Variants in GLIS1 observed in about 807,000 individuals in gnomAD.
GLIS1 encodes the protein GLIS family zinc finger 1, also known as zinc finger protein GLIS1.
A neutral mutation model predicts 63.8 loss-of-function variants in GLIS1; 24 were observed. The ratio of observed to expected loss-of-function variants is 0.38; its 90% confidence interval spans 0.27 to 0.53. The LOEUF (loss-of-function observed/expected upper bound fraction) is 0.53. Ranked by LOEUF, GLIS1 falls within the 20% of genes least tolerant of loss-of-function variation. GLIS1 has a pLI of 0.85. For missense variants in GLIS1, 1,036 were observed against 1,074.1 expected (o/e 0.96, Z 0.50); for synonymous variants, 450 against 482.5 (o/e 0.93, Z 0.88).
chr1:53,606,297 C>T (rs926447914), intron 2 of GLIS1, among the ~76,000 whole-genome samples: 1 of 152,186 alleles, frequency 6.6e-6, no homozygotes, highest in Non-Finnish European at 1.5e-5. Flanking sequence ...CCTAGGCCAA[C>T]GGAGTCATGC....
chr1:53,730,654 C>CTT (rs1277727316), intron 2 of GLIS1, among the ~76,000 whole-genome samples: 1 of 152,188 alleles, frequency 6.6e-6, no homozygotes, highest in African/African-American at 2.4e-5. Context: ...ATTCACTCCC[C>CTT]TTCAGACACA....
intron 4 of GLIS1, among the ~76,000 whole-genome samples, chr1:53,568,653 CCT>C (rs748665528): frequency 1.3e-5 from 2 of 152,080 alleles, no homozygotes; most frequent in Non-Finnish European, 2.9e-5. Context: ...GCGGATTTCC[CCT>C]GTCTTGTGAT....
chr1:53,724,615 G>T (rs1268749550), intron 2 of GLIS1, among the ~76,000 whole-genome samples: 1 of 152,022 alleles, frequency 6.6e-6, no homozygotes, highest in Non-Finnish European at 1.5e-5. Flanking sequence ...GAACTCCTGG[G>T]CTCAAGTGAT....
chr1:53,529,245 T>G (rs1186458902), intron 5 of GLIS1, among the ~76,000 whole-genome samples: 1 of 152,096 alleles, frequency 6.6e-6, no homozygotes, highest in Non-Finnish European at 1.5e-5. Context: ...GAGGCCTGGG[T>G]CACCTGCAGG....
At chr1:53,602,495 C>T (rs1042991788) in intron 2 of GLIS1, among the ~76,000 whole-genome samples, 1 of 152,038 alleles carries the variant, frequency 6.6e-6, no homozygotes, top group Non-Finnish European at 1.5e-5. Flanking sequence ...CCTTCCAGGA[C>T]TCACCAGGCC....
At chr1:53,641,713 G>A (rs1645789104) in intron 2 of GLIS1, among the ~76,000 whole-genome samples, 2 of 152,128 alleles carry the variant, frequency 1.3e-5, no homozygotes, top group Admixed American at 1.3e-4. Flanking sequence ...CACCAAAAAG[G>A]GGCCATCTTG....
chr1:53,733,069 G>C (rs1444245144), intron 2 of GLIS1, among the ~76,000 whole-genome samples: 1 of 152,104 alleles, frequency 6.6e-6, no homozygotes, highest in Non-Finnish European at 1.5e-5. Context: ...CCTCTTCCAG[G>C]ATACTGGCCA....
rs985489885 is a variant in GLIS1 at position 53,534,298 on chromosome 1, C to T, written c.1321-4346G>A. Among the ~76,000 whole-genome samples the T allele has an allele frequency of 6.6e-5, 10 of 152,138 alleles. 1 individual carries two copies. Among genetic ancestry groups the T allele is most frequent in the African/African-American group, 1.2e-4 (5 of 41,428 alleles). On this transcript the variant is annotated intron_variant, in intron 4 of 10. Transcript: ENST00000628545. ...ACCTTCAGGTAATGGCACCACGACC[C>T]GAGGGCATCGTAATGATTCCATGGG...
At chr1:53,566,704 TC>T (rs1406322612) in intron 4 of GLIS1, among the ~76,000 whole-genome samples, 2 of 152,172 alleles carry the variant, frequency 1.3e-5, no homozygotes, top group Non-Finnish European at 2.9e-5. Flanking sequence ...TCTCACAAGA[TC>T]TGATTGTTTA....
At chr1:53,687,614 A>G (rs1199549274) in intron 2 of GLIS1, among the ~76,000 whole-genome samples, 1 of 152,116 alleles carries the variant, frequency 6.6e-6, no homozygotes, top group East Asian at 1.9e-4. Flanking sequence ...GTCTGCTTAC[A>G]TGCAATGGGT....
chr1:53,560,402 G>A lies in GLIS1; in HGVS notation c.1321-30450C>T, dbSNP rs372829710. Reference sequence around the variant, plus strand: ...GGCCTCACGAGTCAGGCAGGAGCTCGCTCCCTGTTTGCAAGGGCAGGGGTT... The same window carrying A: ...GGCCTCACGAGTCAGGCAGGAGCTCACTCCCTGTTTGCAAGGGCAGGGGTT... On this transcript the variant is annotated intron_variant, in intron 4 of 10. Coordinates refer to ENST00000628545, the MANE Select transcript of GLIS1 (RefSeq NM_001367484.1). This position sits in a 1 kb window ranked among gnomAD's most constrained non-coding sequence, Gnocchi z 4.4. Among the ~76,000 whole-genome samples, 2 of 152,198 alleles carry A rather than the reference G, an allele frequency of 1.3e-5. No individual in the cohort carries two copies. The highest frequency in any genetic ancestry group is 1.9e-4 in the East Asian group (1 of 5,188).
At position 53,604,943 on chromosome 1, in the gene GLIS1, C is replaced by T. The variant is rs28367396; in HGVS notation, c.260-4665G>A. On this transcript the variant is annotated intron_variant, in intron 2 of 10. Transcript: ENST00000628545. ...GTGTGTGTGTGTGTGTATATATATA[C>T]ATATATATATATACACACACACACA... 3.7e-3 allele frequency among the ~76,000 whole-genome samples: 110 copies of T among 30,040 alleles called. 1 individual carries two copies. Among genetic ancestry groups the T allele is most frequent in the South Asian group, 0.017 (13 of 764 alleles). The allele number at this position is 30,040 out of a possible 152,430, so 19.7% of individuals were successfully genotyped here. A position where few individuals can be genotyped will look rare whatever the true frequency, so the allele number is the denominator to read the frequency against.
chr1:53,691,473 A>G (rs1273210680), intron 2 of GLIS1, among the ~76,000 whole-genome samples: 1 of 152,128 alleles, frequency 6.6e-6, no homozygotes, highest in African/African-American at 2.4e-5. Context: ...ACTGGAGATG[A>G]TGAGGACCCC....
intron 3 of GLIS1, among the ~76,000 whole-genome samples, 177 bp from the exon 4 acceptor site, chr1:53,595,167 A>G (rs1018915039): frequency 7.2e-5 from 11 of 152,108 alleles, no homozygotes; most frequent in African/African-American, 2.7e-4. Context: ...CTGGAAAACA[A>G]GCAGAGTGTA....
rs1199754751 is a variant in GLIS1, at chr1:53,506,789, G to T, written c.2231-13C>A. 24 of 1,606,022 alleles carry T rather than the reference G, an allele frequency of 1.5e-5. No individual in the cohort carries two copies. Among genetic ancestry groups the T allele is most frequent in the Non-Finnish European group, 1.9e-5 (22 of 1,179,434 alleles). On this transcript the variant is annotated splice_polypyrimidine_tract_variant and intron_variant, in intron 10 of 10. Transcript: ENST00000628545. ...AGGGCCTCATAGCCTGTGAGTGGTTGGGAAAGGGTCAGCGCTGGAGGCAGC... is the reference window on the plus strand; with the variant it reads ...AGGGCCTCATAGCCTGTGAGTGGTTTGGAAAGGGTCAGCGCTGGAGGCAGC...
At position 53,737,868 on chromosome 1, in the gene GLIS1, T is replaced by A; in HGVS notation, c.197A>T (p.Asp66Val). Reference protein sequence around the residue: ...RPPAPPPRAHDLLRPRSPRDY... With the variant: ...RPPAPPPRAHVLLRPRSPRDY... ...TCGGGGACTGCGGGGCCGGAGGAGG[T>A]CGTGGGCGCGCGGTGGCGGCGCAGG... The change falls in exon 2 of 11, where the codon GAC becomes GTC. Residue 66 changes from aspartate (D) to valine (V), a missense_variant. By Grantham distance (152) the Asp-to-Val change is radical. This residue lies in a region of GLIS1 where 592 missense variants were observed against 593.9 expected (regional missense o/e 1.00). Transcript: ENST00000628545. The A allele has an allele frequency of 8.1e-7, 1 of 1,230,770 alleles. No individual in the cohort carries two copies. The highest frequency in any genetic ancestry group is 1.0e-6 in the Non-Finnish European group (1 of 987,444). The allele number at this position is 1,230,770 out of a possible 1,614,324, so 76.2% of individuals were successfully genotyped here. A position where few individuals can be genotyped will look rare whatever the true frequency, so the allele number is the denominator to read the frequency against.
At chr1:53,597,618 G>C (rs1329948565) in intron 3 of GLIS1, among the ~76,000 whole-genome samples, 1 of 152,156 alleles carries the variant, frequency 6.6e-6, no homozygotes, top group Non-Finnish European at 1.5e-5. Flanking sequence ...GGAGGGGCAG[G>C]CGCCGAGAGT....
chr1:53,544,029 C>T (rs1405541972), intron 4 of GLIS1, among the ~76,000 whole-genome samples: 1 of 152,142 alleles, frequency 6.6e-6, no homozygotes, highest in Non-Finnish European at 1.5e-5. Context: ...TTCTGGGGCG[C>T]GCAGCCCAGC....
chr1:53,524,898 G>C lies in GLIS1; in HGVS notation c.1483-11C>G, dbSNP rs771848879. 93 of 1,602,742 alleles carry C rather than the reference G, an allele frequency of 5.8e-5. No individual in the cohort carries two copies. The highest frequency in any genetic ancestry group is 7.6e-5 in the Non-Finnish European group (89 of 1,170,998). ...ACAGGCGTACGGCTTCTGTAACATG[G>C]GGGGCACGGGTGGGGTGAGTGAGGC... is the stretch of plus-strand genomic sequence containing the variant. On this transcript the variant is annotated splice_polypyrimidine_tract_variant and intron_variant, in intron 5 of 10. Coordinates refer to ENST00000628545, the MANE Select transcript of GLIS1 (RefSeq NM_001367484.1).
Sources: allele counts gnomAD v4.1 joint callset (sites outside exome capture counted in the v4.1 genomes callset), GRCh38; gene constraint gnomAD v4.1.1; regional missense constraint gnomAD v4.1.1; non-coding constraint Gnocchi (gnomAD v3.1); transcripts MANE v1.5; gene names NCBI Gene and HGNC (gene_info 2026-07-23, HGNC 2026-07-21).